UTP25: variants seen among roughly 807,000 people sequenced by gnomAD.
UTP25 encodes U3 small nucleolar RNA-associated protein 25 homolog.
In UTP25, 50 loss-of-function variants were observed where a neutral mutation model predicts 78.9. The ratio of observed to expected loss-of-function variants is 0.63; its 90% CI spans 0.50 to 0.80. The LOEUF is 0.80. Among genes scored for constraint, UTP25 ranks in the 30% least tolerant of loss-of-function variants. The pLI is 0.00. For missense variants in UTP25, 846 were observed against 911.3 expected, an observed-to-expected ratio of 0.93 and a Z score of 0.92; for synonymous variants, 329 against 336.5, an observed-to-expected ratio of 0.98 and a Z score of 0.24.
intron 11 of UTP25, among the ~76,000 whole-genome samples, chr1:209,848,260 G>A (rs1016604388): frequency 6.6e-6 from 1 of 152,122 alleles, no homozygotes; most frequent in Admixed American, 6.5e-5. Flanking sequence ...TTCTACTTAG[G>A]GAATATTACG....
Position 209,837,349 on chromosome 1 carries a change from A to AGGG in UTP25, c.1062+139_1062+140insGGG. The AGGG allele has an allele frequency of 2.9e-6, 3 of 1,021,528 alleles. No individual in the cohort carries two copies. In the South Asian group the frequency reaches 5.1e-5, roughly 17 times the overall value. The allele number at this position is 1,021,528 out of a possible 1,614,324, so 63.3% of individuals were successfully genotyped here. A position where few individuals can be genotyped will look rare whatever the true frequency, so the allele number is the denominator to read the frequency against. On this transcript the variant is annotated intron_variant, in intron 6 of 11. Coordinates refer to ENST00000491415, the MANE Select transcript of UTP25 (RefSeq NM_014388.7). ...AATGAGCCCAAATGTGAGCATATTA[A>AGGG]GTAGGCCAGGTAGTGTCAGAGCAGC...
chr1:209,834,916 C>T (rs1006707394), intron 4 of UTP25, among the ~76,000 whole-genome samples, 159 bp from the exon 5 acceptor site: 2 of 152,152 alleles, frequency 1.3e-5, no homozygotes, highest in Non-Finnish European at 2.9e-5. Context: ...ATGAACCTTT[C>T]AGAAGTTTTT....
At chr1:209,832,729 C>G (rs565415925) in intron 3 of UTP25, among the ~76,000 whole-genome samples, 1 of 152,046 alleles carries the variant, frequency 6.6e-6, no homozygotes, top group East Asian at 1.9e-4. Flanking sequence ...CAGAAAAATA[C>G]AAAAATTAGC....
intron 11 of UTP25, among the ~76,000 whole-genome samples, chr1:209,849,076 C>T (rs566031780): frequency 2.0e-5 from 3 of 152,156 alleles, no homozygotes; most frequent in Non-Finnish European, 4.4e-5. Context: ...TCACTCCACA[C>T]TCAGACCCCT....
Position 209,839,056 on chromosome 1 carries a change from C to A in UTP25, c.1210C>A (p.Pro404Thr). The A allele has an allele frequency of 6.2e-7, 1 of 1,614,066 alleles. No individual in the cohort carries two copies. The highest frequency in any genetic ancestry group is 8.5e-7 in the Non-Finnish European group (1 of 1,179,968). Residue 404 changes from proline (P) to threonine (T), a missense_variant, in exon 7 of 12, where the codon CCA becomes ACA. Physicochemically the swap from Pro to Thr is conservative, Grantham distance 38. Transcript: ENST00000491415. ...GEYGSDPEER[P>T]PNLKRPEDYE... is the part of the protein sequence containing the mutation. ...ATATGGATCAGATCCCGAGGAGAGA[C>A]CACCCAACTTGAAGAGGCCTGAGGA...
rs540373950 is a variant in UTP25, at chr1:209,848,300, C to T, written c.2028-2904C>T. 5.3e-5 allele frequency among the ~76,000 whole-genome samples: 8 copies of T among 152,232 alleles called. No homozygotes were observed. In the South Asian group the frequency reaches 8.3e-4, roughly 16 times the overall value. ...TTCTACCTCATCTCATCAGAAGGCA[C>T]GTAATGTCACTTTGTCTCATTCTTG... On this transcript the variant is annotated intron_variant, in intron 11 of 11. Coordinates refer to ENST00000491415, the MANE Select transcript of UTP25 (RefSeq NM_014388.7).
rs2078151041 is a variant in UTP25, at chr1:209,839,023, CA to C, written c.1178del (p.Gln393ArgfsTer15). The C allele has an allele frequency of 6.2e-7, 1 of 1,613,970 alleles. No individual in the cohort carries two copies. ...CATTGTGAGCAACAAAAAGAGGTTT[CA>C]GGGAGAATATGGATCAGATCCCGAG... ...KIIVSNKKRF[Q>X]GEYGSDPEER... On this transcript the variant is annotated frameshift_variant, in exon 7 of 12. Transcript: ENST00000491415. LOFTEE classifies it high-confidence loss of function.
rs2078258287 is a variant in UTP25 at position 209,854,237 on chromosome 1, A to G, written c.*2790A>G. 2 of 152,248 alleles carry G rather than the reference A, an allele frequency of 1.3e-5. No homozygotes were observed. Among genetic ancestry groups the G allele is most frequent in the South Asian group, 4.1e-4 (2 of 4,838 alleles). 9.4% of individuals were successfully genotyped at this position (152,248 alleles called of 1,614,324 possible). The stretch of plus-strand genomic sequence containing the variant: ...CCTGGAAACAGTGGAATTAAAAGGT[A>G]TGGAAAGGAACTTACCCAGAAAGTA... On this transcript the variant is annotated 3_prime_UTR_variant, in exon 12 of 12. Transcript: ENST00000491415.
At chr1:209,850,555 T>A (rs1315269925) in intron 11 of UTP25, among the ~76,000 whole-genome samples, 1 of 152,220 alleles carries the variant, frequency 6.6e-6, no homozygotes, top group African/African-American at 2.4e-5. Context: ...GACTGAACCA[T>A]ACTGCAAGTC....
At chr1:209,837,932 T>A (rs192582613) in intron 6 of UTP25, among the ~76,000 whole-genome samples, 4 of 152,310 alleles carry the variant, frequency 2.6e-5, no homozygotes, top group Non-Finnish European at 5.9e-5. Context: ...TTTAATAGGA[T>A]TCTAGAAATT....
chr1:209,829,918 C>T (rs944493036), intron 1 of UTP25, among the ~76,000 whole-genome samples, 190 bp from the exon 2 acceptor site: 2 of 152,208 alleles, frequency 1.3e-5, no homozygotes, highest in African/African-American at 4.8e-5. Flanking sequence ...CCTCCTTAAA[C>T]TTTTCATTTG....
Position 209,833,290 on chromosome 1 carries a change from T to C in UTP25, c.494T>C (p.Leu165Pro). Residue 165 changes from leucine to proline, a missense_variant, in exon 4 of 12, where the codon CTG becomes CCG. Leu to Pro is a moderately conservative substitution (Grantham distance 98). Transcript: ENST00000491415. ...TTCACAGATGCAAAACACGAGTCAC[T>C]GTTCAGCCTGGAAACCAATTTTCTG... is the stretch of plus-strand genomic sequence containing the variant. ...EEFTDAKHESLFSLETNFLEE... is the reference protein window; with the variant it reads ...EEFTDAKHESPFSLETNFLEE... The C allele has an allele frequency of 1.3e-6, 2 of 1,595,558 alleles. No homozygotes were observed. Among genetic ancestry groups the C allele is most frequent in the Non-Finnish European group, 1.7e-6 (2 of 1,174,898 alleles).
chr1:209,844,998 C>T (rs1219845618), intron 11 of UTP25, among the ~76,000 whole-genome samples: 2 of 152,180 alleles, frequency 1.3e-5, no homozygotes. Flanking sequence ...ACAGATACGC[C>T]AGAAATCTCC....
chr1:209,828,293 G>A lies in UTP25; in HGVS notation c.107+123G>A, dbSNP rs1325787275. 1.1e-5 allele frequency: 8 copies of A among 737,358 alleles called. No individual in the cohort carries two copies. In the African/African-American group the frequency reaches 1.1e-4, roughly 10 times the overall value. The allele number at this position is 737,358 out of a possible 1,614,324, so 45.7% of individuals were successfully genotyped here. On this transcript the variant is annotated intron_variant, in intron 1 of 11. Coordinates refer to ENST00000491415, the MANE Select transcript of UTP25 (RefSeq NM_014388.7). ...CTATTCCCTGGCTCCCGCTGTGCTC[G>A]GCCGGGGAGATTCTGGCGCCATCCC...
intron 2 of UTP25, 32 bp from the exon 3 acceptor site, chr1:209,830,771 T>A: frequency 6.2e-7 from 1 of 1,606,552 alleles, no homozygotes; most frequent in Non-Finnish European, 8.5e-7. Context: ...ACAATATAGT[T>A]TTTGTTCTTA....
In UTP25 at chr1:209,856,927, A is replaced by T. The variant is rs1228253256; in HGVS notation, c.*5480A>T. ...GCAGAAAAATAATTAGCAAGAGAACAGACTTCAGCTCTCTGAAGGCTGATG... is the reference window on the plus strand; with the variant it reads ...GCAGAAAAATAATTAGCAAGAGAACTGACTTCAGCTCTCTGAAGGCTGATG... On this transcript the variant is annotated 3_prime_UTR_variant, in exon 12 of 12. Coordinates refer to ENST00000491415, the MANE Select transcript of UTP25 (RefSeq NM_014388.7). The T allele has an allele frequency of 1.3e-5, 2 of 152,258 alleles. No homozygotes were observed. The highest frequency in any genetic ancestry group is 4.8e-5 in the African/African-American group (2 of 41,474). The allele number at this position is 152,258 out of a possible 1,614,324, so 9.4% of individuals were successfully genotyped here. A position where few individuals can be genotyped will look rare whatever the true frequency, so the allele number is the denominator to read the frequency against.
intron 3 of UTP25, among the ~76,000 whole-genome samples, chr1:209,831,696 A>G (rs930820565): frequency 5.3e-5 from 8 of 152,100 alleles, no homozygotes; most frequent in Non-Finnish European, 1.2e-4. Flanking sequence ...ACCTCCAAAA[A>G]TTTTTCTTAT....
chr1:209,837,203 A>C lies in UTP25; in HGVS notation c.1054A>C (p.Arg352=), dbSNP rs2078138721. The change falls in exon 6 of 12, where the codon AGG becomes CGG. Residue 352 remains arginine, a synonymous_variant. Transcript: ENST00000491415. ...DDDFRDQGLT[R]PKVLIVVPFR... ...TGACTTCAGAGACCAAGGGTTAACAAGGCCCAAGGTGAGTCCAGCAGGAAA... is the reference window on the plus strand; with the variant it reads ...TGACTTCAGAGACCAAGGGTTAACACGGCCCAAGGTGAGTCCAGCAGGAAA... 1 of 1,613,386 alleles carries C rather than the reference A, an allele frequency of 6.2e-7. No individual in the cohort carries two copies. The highest frequency in any genetic ancestry group is 1.7e-5 in the Admixed American group (1 of 59,980).
At chr1:209,838,567 C>T (rs978201351) in intron 6 of UTP25, among the ~76,000 whole-genome samples, 1 of 152,176 alleles carries the variant, frequency 6.6e-6, no homozygotes, top group Non-Finnish European at 1.5e-5. Flanking sequence ...AGAAATCTTT[C>T]CCTCAAAGAG....
Sources: allele counts gnomAD v4.1 joint callset (sites outside exome capture counted in the v4.1 genomes callset), GRCh38; gene constraint gnomAD v4.1.1; transcripts MANE v1.5; gene names NCBI Gene and HGNC (gene_info 2026-07-23, HGNC 2026-07-21).